Variants in TTC39C observed in about 807,000 individuals in gnomAD.
TTC39C encodes the protein tetratricopeptide repeat protein 39C.
Under a neutral mutation model 76.3 loss-of-function variants are expected in TTC39C, and 33 were observed. That is an observed-to-expected ratio of 0.43 (90% CI 0.33 to 0.58). The LOEUF (loss-of-function observed/expected upper bound fraction) is 0.58, where lower values mean the gene tolerates loss of function less well. TTC39C is among the 20% of genes least tolerant of loss of function. The pLI is 0.04. For missense variants in TTC39C, 595 were observed against 701.4 expected (o/e 0.85, Z 1.71); for synonymous variants, 254 against 260.6 (o/e 0.97, Z 0.24).
At chr18:23,993,818 A>G (rs2083238771) in intron 1 of TTC39C, among the ~76,000 whole-genome samples, 1 of 152,226 alleles carries the variant, frequency 6.6e-6, no homozygotes, top group Admixed American at 6.5e-5. Context: ...AATATAATAG[A>G]AATGGACCAT....
At chr18:24,034,968 A>G (rs931726771) in intron 1 of TTC39C, among the ~76,000 whole-genome samples, 1 of 152,072 alleles carries the variant, frequency 6.6e-6, no homozygotes, top group African/African-American at 2.4e-5. Context: ...TCCTGCTTTC[A>G]GTTTTTTCGG....
At position 24,052,552 on chromosome 18, in the gene TTC39C, T is replaced by A. The variant is rs879903027; in HGVS notation, c.168-11588T>A. 6.1e-4 allele frequency among the ~76,000 whole-genome samples: 92 copies of A among 151,990 alleles called. 4 individuals carry two copies. Among genetic ancestry groups the A allele is most frequent in the East Asian group, 3.1e-3 (16 of 5,194 alleles). On this transcript the variant is annotated intron_variant, in intron 1 of 13. Transcript: ENST00000317571. ...TAAATATCTTGCTTTAAAAAAAAAA[T>A]TATTGCTTTTTTTAAAGAAAATTTA...
chr18:24,073,651 G>A (rs887028864), intron 4 of TTC39C, among the ~76,000 whole-genome samples: 2 of 151,982 alleles, frequency 1.3e-5, no homozygotes, highest in Non-Finnish European at 2.9e-5. Flanking sequence ...GAGTAGCTGG[G>A]ACTACAGGCA....
chr18:24,117,965 T>A (rs2084917128), intron 7 of TTC39C, among the ~76,000 whole-genome samples, 160 bp from the exon 8 acceptor site: 1 of 152,196 alleles, frequency 6.6e-6, no homozygotes, highest in Non-Finnish European at 1.5e-5. Context: ...TGAAAGTATT[T>A]AAGGGAAAAA....
At chr18:24,128,484 T>C (rs1038540664) in intron 10 of TTC39C, among the ~76,000 whole-genome samples, 9 of 151,662 alleles carry the variant, frequency 5.9e-5, no homozygotes, top group African/African-American at 2.2e-4. Context: ...TCAGTATCTT[T>C]ATTAGTCTTT....
chr18:24,011,777 C>T (rs2083395168), upstream of TTC39C, among the ~76,000 whole-genome samples: 1 of 152,222 alleles, frequency 6.6e-6, no homozygotes, highest in African/African-American at 2.4e-5. Flanking sequence ...CCACCACTCG[C>T]TGGCTTTTCT....
chr18:24,016,839 CTG>C (rs2083459969), intron 1 of TTC39C: 1 of 397,738 alleles, frequency 2.5e-6, no homozygotes, highest in Non-Finnish European at 4.4e-6. Context: ...GCAGGGAAAA[CTG>C]TAGTACCTCT....
intron 6 of TTC39C, among the ~76,000 whole-genome samples, chr18:24,095,123 A>G (rs1314448696): frequency 6.6e-6 from 1 of 152,164 alleles, no homozygotes; most frequent in East Asian, 1.9e-4. Flanking sequence ...TTGCTGCTTC[A>G]CCTTGCACTT....
At chr18:24,011,105 G>A (rs2083390667), upstream of TTC39C, among the ~76,000 whole-genome samples, 1 of 152,174 alleles carries the variant, frequency 6.6e-6, no homozygotes, top group South Asian at 2.1e-4. Flanking sequence ...GACAAGGGTA[G>A]GGTATGTTTG....
intron 6 of TTC39C, among the ~76,000 whole-genome samples, chr18:24,096,005 T>C (rs1463977590): frequency 2.0e-5 from 3 of 152,232 alleles, no homozygotes; most frequent in Non-Finnish European, 4.4e-5. Context: ...ACAACATTTA[T>C]CAACTAAGTT....
chr18:24,101,650 T>C lies in TTC39C; in HGVS notation c.985-12904T>C, dbSNP rs2084677404. On this transcript the variant is annotated intron_variant, in intron 6 of 13. Coordinates refer to ENST00000317571, the MANE Select transcript of TTC39C (RefSeq NM_001135993.2). ...GTCTAGCAAACATTCAGTGTCACTT[T>C]GCTGATTATAACTTTGGTTTGTTTC... is the stretch of plus-strand genomic sequence containing the variant. Among the ~76,000 whole-genome samples, 4 of 152,234 alleles carry C rather than the reference T, an allele frequency of 2.6e-5. 1 individual carries two copies. In the South Asian group the frequency reaches 6.2e-4, roughly 24 times the overall value.
chr18:24,093,026 C>T (rs753530751), intron 6 of TTC39C, among the ~76,000 whole-genome samples: 6 of 152,160 alleles, frequency 3.9e-5, no homozygotes, highest in African/African-American at 7.2e-5. Context: ...CGTGAAGGCA[C>T]GAGACCCTGT....
intron 2 of TTC39C, 111 bp from the exon 3 acceptor site, chr18:24,065,901 C>T (rs1599291011): frequency 1.8e-6 from 2 of 1,137,574 alleles, no homozygotes; most frequent in Non-Finnish European, 2.4e-6. Flanking sequence ...GATTCTTTTG[C>T]TTGCAATAAA....
intron 1 of TTC39C, among the ~76,000 whole-genome samples, chr18:24,035,245 C>G (rs1379997721): frequency 6.6e-6 from 1 of 152,112 alleles, no homozygotes; most frequent in East Asian, 1.9e-4. Flanking sequence ...GCTGTGTTGT[C>G]TGGGCTGGCC....
chr18:24,070,096 C>T lies in TTC39C; in HGVS notation c.460+825C>T, dbSNP rs575570137. On this transcript the variant is annotated intron_variant, in intron 4 of 13. Coordinates refer to ENST00000317571, the MANE Select transcript of TTC39C (RefSeq NM_001135993.2). ...CTTTTCTTTCTAGCCTATCAGAAGC[C>T]GGTTTTTCCCCCTTTTTCTTGTTTC... Among the ~76,000 whole-genome samples the T allele has an allele frequency of 3.3e-5, 5 of 152,232 alleles. No homozygotes were observed. In the East Asian group the frequency reaches 5.8e-4, roughly 18 times the overall value.
At chr18:24,116,971 G>A (rs1016535879) in intron 7 of TTC39C, among the ~76,000 whole-genome samples, 5 of 151,456 alleles carry the variant, frequency 3.3e-5, no homozygotes, top group African/African-American at 4.9e-5. Flanking sequence ...AATTACAGGC[G>A]TGCACCACCA....
At chr18:24,051,341 G>C (rs1447534405) in intron 1 of TTC39C, among the ~76,000 whole-genome samples, 1 of 152,238 alleles carries the variant, frequency 6.6e-6, no homozygotes, top group Non-Finnish European at 1.5e-5. Context: ...ATCACAAGCA[G>C]TTAACAAAAA....
rs2083461748 is a variant in TTC39C at position 24,016,992 on chromosome 18, A to ACTTGATTTAG, written c.167+1954_167+1955insCTTGATTTAG. 1.7e-4 allele frequency among the ~76,000 whole-genome samples: 26 copies of ACTTGATTTAG among 152,350 alleles called. 1 individual carries two copies. In the South Asian group the frequency reaches 4.8e-3, roughly 28 times the overall value. ...TAGTTTTTACTGTGGACCAGGACACAAACACTATAGTTCTAAATCAAGGAC... is the reference window on the plus strand; with the variant it reads ...TAGTTTTTACTGTGGACCAGGACACACTTGATTTAGAACACTATAGTTCTAAATCAAGGAC... On this transcript the variant is annotated intron_variant, in intron 1 of 13. Transcript: ENST00000317571.
At chr18:24,124,638 A>G (rs537769743) in intron 9 of TTC39C, among the ~76,000 whole-genome samples, 1 of 152,282 alleles carries the variant, frequency 6.6e-6, no homozygotes, top group Admixed American at 6.5e-5. Flanking sequence ...TTAGTTTTAT[A>G]TGTTTTTATT....
Sources: allele counts gnomAD v4.1 joint callset (sites outside exome capture counted in the v4.1 genomes callset), GRCh38; gene constraint gnomAD v4.1.1; transcripts MANE v1.5; gene names NCBI Gene and HGNC (gene_info 2026-07-23, HGNC 2026-07-21).